The following PLCH1 variants were observed in gnomAD, a reference collection of about 807,000 sequenced individuals.
PLCH1 encodes phospholipase C eta 1.
A neutral mutation model predicts 126.7 loss-of-function variants in PLCH1; 60 were observed. The ratio of observed to expected loss-of-function variants is 0.47; its 90% CI spans 0.38 to 0.59. The LOEUF (loss-of-function observed/expected upper bound fraction) is 0.59, where lower values mean the gene tolerates loss of function less well. Among genes scored for constraint, PLCH1 ranks in the 20% least tolerant of loss-of-function variants. PLCH1 has a pLI of 0.00. For synonymous variants in PLCH1, 719 were observed against 734.9 expected, an observed-to-expected ratio of 0.98 and a Z score of 0.35; for missense variants, 1,723 against 2,040.0, an observed-to-expected ratio of 0.84 and a Z score of 2.99.
At chr3:155,597,547 T>G (rs967622437) in intron 2 of PLCH1, among the ~76,000 whole-genome samples, 3 of 152,198 alleles carry the variant, frequency 2.0e-5, no homozygotes, top group Non-Finnish European at 4.4e-5. Flanking sequence ...AGTACCTACC[T>G]TATCAAGCAG....
At chr3:155,594,459 G>C (rs1349455214) in intron 3 of PLCH1, among the ~76,000 whole-genome samples, 1 of 152,048 alleles carries the variant, frequency 6.6e-6, no homozygotes, top group African/African-American at 2.4e-5. Context: ...TGTAGTCCTA[G>C]CTACTCAGGA....
intron 2 of PLCH1, among the ~76,000 whole-genome samples, chr3:155,619,919 C>T (rs913382787): frequency 6.6e-6 from 1 of 152,100 alleles, no homozygotes; most frequent in South Asian, 2.1e-4. Flanking sequence ...GGAGAATCCC[C>T]TCAGGTTTAC....
chr3:155,699,849 C>CACACACACACACACACACACACACACA (rs1553760147), intron 2 of PLCH1, among the ~76,000 whole-genome samples: 1 of 145,512 alleles, frequency 6.9e-6, no homozygotes, highest in African/African-American at 2.7e-5. Flanking sequence ...CACACACACA[C>CACACACACACACACACACACACACACA]CACTACCTCT....
At chr3:155,569,062 T>C (rs1430590585) in intron 6 of PLCH1, among the ~76,000 whole-genome samples, 1 of 152,126 alleles carries the variant, frequency 6.6e-6, no homozygotes, top group Non-Finnish European at 1.5e-5. Context: ...AAAGGCAGTA[T>C]ATGCTATTTA....
chr3:155,461,069 C>T (rs1296290478), intron 21 of PLCH1, among the ~76,000 whole-genome samples: 1 of 152,190 alleles, frequency 6.6e-6, no homozygotes, highest in Non-Finnish European at 1.5e-5. Context: ...ATCTTCACGG[C>T]CTTGCCCTGG....
At chr3:155,710,788 G>A (rs1158623237) in intron 1 of PLCH1, among the ~76,000 whole-genome samples, 4 of 150,308 alleles carry the variant, frequency 2.7e-5, no homozygotes, top group African/African-American at 4.9e-5. Flanking sequence ...AGCTGAGATC[G>A]TGCCACTATA....
intron 21 of PLCH1, among the ~76,000 whole-genome samples, chr3:155,454,051 C>A (rs1712378404): frequency 6.6e-6 from 1 of 151,946 alleles, no homozygotes; most frequent in Non-Finnish European, 1.5e-5. Flanking sequence ...CATAAGATAA[C>A]CATAATAGTG....
chr3:155,713,401 A>G (rs1747287843), intron 1 of PLCH1, among the ~76,000 whole-genome samples: 1 of 152,222 alleles, frequency 6.6e-6, no homozygotes, highest in African/African-American at 2.4e-5. Flanking sequence ...AAGATGGTGG[A>G]TGGCTACTTT....
chr3:155,670,835 C>T (rs1298461386), intron 2 of PLCH1, among the ~76,000 whole-genome samples: 1 of 152,148 alleles, frequency 6.6e-6, no homozygotes, highest in East Asian at 1.9e-4. Context: ...ATTCTTACCC[C>T]ACTGCTTCCC....
In PLCH1 at chr3:155,485,633, A is replaced by G. The variant is rs769874753; in HGVS notation, c.2697T>C (p.Tyr899=). ...TATCTCCAATGGATCGCTTCCGTAC[A>G]TAATGGGAATTGTTTTCTGAAGAAC... is the stretch of plus-strand genomic sequence containing the variant. ...RHSSSENNSH[Y]VRKRSIGDRI... Residue 899 remains tyrosine (Y), a synonymous_variant, in exon 22 of 23, where the codon TAT becomes TAC. Transcript: ENST00000460012. 2 of 1,612,028 alleles carry G rather than the reference A, an allele frequency of 1.2e-6. No individual in the cohort carries two copies. The highest frequency in any genetic ancestry group is 1.7e-5 in the Admixed American group (1 of 60,030).
chr3:155,500,814 A>G lies in PLCH1; in HGVS notation c.1705-20T>C. The G allele has an allele frequency of 7.0e-7, 1 of 1,419,732 alleles. No homozygotes were observed. Among genetic ancestry groups the G allele is most frequent in the Non-Finnish European group, 1.0e-6 (1 of 1,003,308 alleles). The allele number at this position is 1,419,732 out of a possible 1,614,324, so 87.9% of individuals were successfully genotyped here. A position where few individuals can be genotyped will look rare whatever the true frequency, so the allele number is the denominator to read the frequency against. On this transcript the variant is annotated intron_variant, in intron 13 of 22. Coordinates refer to ENST00000460012, the MANE Select transcript of PLCH1 (RefSeq NM_014996.4). ...AGTTTTCTGCCAGAAAAATCAAAAC[A>G]AACTTAACAAACTCATTGTATCAAG... is the stretch of plus-strand genomic sequence containing the variant.
At chr3:155,615,434 A>G (rs780202474) in intron 2 of PLCH1, among the ~76,000 whole-genome samples, 46 of 152,176 alleles carry the variant, frequency 3.0e-4, no homozygotes, top group Non-Finnish European at 5.6e-4. Flanking sequence ...CCACTACTGG[A>G]TGTCTACCCA....
At chr3:155,580,825 T>C (rs764741031) in intron 6 of PLCH1, among the ~76,000 whole-genome samples, 6 of 152,210 alleles carry the variant, frequency 3.9e-5, no homozygotes, top group Admixed American at 2.6e-4. Context: ...AAGCATGTTG[T>C]TTTACTTCTT....
At chr3:155,459,694 C>T (rs993913408) in intron 21 of PLCH1, among the ~76,000 whole-genome samples, 1 of 152,084 alleles carries the variant, frequency 6.6e-6, no homozygotes, top group African/African-American at 2.4e-5. Context: ...AGTTGGTTGT[C>T]CTGTCAGGCC....
chr3:155,686,041 A>G lies in PLCH1; in HGVS notation c.79+18105T>C, dbSNP rs775506957. ...GACTTATGAATGTTAAATTTACTTA[A>G]GTTGATAATTATACCATGGGGCAAA... On this transcript the variant is annotated intron_variant, in intron 2 of 22. Coordinates refer to ENST00000460012, the MANE Select transcript of PLCH1 (RefSeq NM_014996.4). 7.2e-4 allele frequency among the ~76,000 whole-genome samples: 110 copies of G among 152,210 alleles called. 1 individual carries two copies. The highest frequency in any genetic ancestry group is 1.1e-3 in the Non-Finnish European group (75 of 68,030).
At chr3:155,501,245 T>C (rs529697710) in intron 13 of PLCH1, among the ~76,000 whole-genome samples, 18 of 152,312 alleles carry the variant, frequency 1.2e-4, no homozygotes, top group African/African-American at 4.3e-4. Flanking sequence ...TAACTACCAT[T>C]TCTGCTTTTG....
At chr3:155,591,237 A>G (rs1240255938) in intron 4 of PLCH1, among the ~76,000 whole-genome samples, 1 of 152,188 alleles carries the variant, frequency 6.6e-6, no homozygotes, top group Non-Finnish European at 1.5e-5. Flanking sequence ...CCCCATGGCC[A>G]CTGCTCTTCC....
chr3:155,678,634 G>A (rs1317076327), intron 2 of PLCH1, among the ~76,000 whole-genome samples: 2 of 152,162 alleles, frequency 1.3e-5, no homozygotes, highest in African/African-American at 4.8e-5. Flanking sequence ...CCAACAGAAG[G>A]TCATGTACGA....
chr3:155,535,604 G>T (rs1051451961), intron 10 of PLCH1, among the ~76,000 whole-genome samples: 6 of 152,154 alleles, frequency 3.9e-5, no homozygotes, highest in African/African-American at 1.4e-4. Context: ...CACACTCCCA[G>T]CCCCTACAGC....
Sources: allele counts gnomAD v4.1 joint callset (sites outside exome capture counted in the v4.1 genomes callset), GRCh38; gene constraint gnomAD v4.1.1; transcripts MANE v1.5; gene names NCBI Gene and HGNC (gene_info 2026-07-23, HGNC 2026-07-21).